ST6GALNAC3: variants seen among roughly 807,000 people sequenced by gnomAD.
ST6GALNAC3 encodes the protein ST6 N-acetylgalactosaminide alpha-2,6-sialyltransferase 3.
In ST6GALNAC3, 25 loss-of-function variants were observed where a neutral mutation model predicts 32.7. The observed-to-expected ratio is 0.76, with a 90% CI of 0.56 to 1.07. The LOEUF (loss-of-function observed/expected upper bound fraction) is 1.07. Among genes scored for constraint, ST6GALNAC3 ranks in the 50% least tolerant of loss-of-function variants. ST6GALNAC3 has a pLI of 0.00. For synonymous variants in ST6GALNAC3, 129 were observed against 133.1 expected (o/e 0.97, Z 0.21); for missense variants, 355 against 382.4 (o/e 0.93, Z 0.60).
intron 3 of ST6GALNAC3, among the ~76,000 whole-genome samples, chr1:76,478,362 C>T (rs1019724325): frequency 6.6e-6 from 1 of 152,158 alleles, no homozygotes; most frequent in African/African-American, 2.4e-5. Context: ...GACTACCTGT[C>T]CTGAACGTTC....
chr1:76,128,115 C>G (rs982680311), intron 1 of ST6GALNAC3, among the ~76,000 whole-genome samples: 3 of 152,086 alleles, frequency 2.0e-5, no homozygotes, highest in Admixed American at 1.3e-4. Context: ...AAGTCGGAGC[C>G]CATTGACCTT....
chr1:76,456,889 A>C (rs191222777), intron 3 of ST6GALNAC3, among the ~76,000 whole-genome samples: 4 of 152,186 alleles, frequency 2.6e-5, no homozygotes, highest in Admixed American at 1.3e-4. Flanking sequence ...AGAGTATTCA[A>C]TTAGGAAAAG....
intron 3 of ST6GALNAC3, among the ~76,000 whole-genome samples, chr1:76,451,475 A>C (rs1337702036): frequency 1.3e-5 from 2 of 152,124 alleles, no homozygotes; most frequent in African/African-American, 4.8e-5. Context: ...CCCAGGACAC[A>C]TGGGGATTAT....
intron 3 of ST6GALNAC3, among the ~76,000 whole-genome samples, chr1:76,422,856 CGAG>C (rs1655119992): frequency 6.6e-6 from 1 of 151,948 alleles, no homozygotes; most frequent in Non-Finnish European, 1.5e-5. Context: ...TTTTTCACGG[CGAG>C]GAGTTTTTTA....
chr1:76,412,444 T>A (rs1654323835), intron 3 of ST6GALNAC3, 27 bp downstream of exon 3: 1 of 1,553,286 alleles, frequency 6.4e-7, no homozygotes, highest in African/African-American at 1.4e-5. Context: ...GCAGCTTTAT[T>A]GTCTTTTATT....
intron 1 of ST6GALNAC3, among the ~76,000 whole-genome samples, chr1:76,252,378 G>A (rs375396777): frequency 6.6e-6 from 1 of 152,164 alleles, no homozygotes; most frequent in East Asian, 1.9e-4. Flanking sequence ...GGAATAAATA[G>A]GATAATGCTT....
intron 3 of ST6GALNAC3, among the ~76,000 whole-genome samples, chr1:76,473,837 T>C (rs1230566217): frequency 1.3e-5 from 2 of 152,162 alleles, no homozygotes; most frequent in Non-Finnish European, 2.9e-5. Context: ...GGCTTGGAAT[T>C]AGTTTAACCA....
At chr1:76,532,508 G>A (rs938389758) in intron 3 of ST6GALNAC3, among the ~76,000 whole-genome samples, 6 of 152,036 alleles carry the variant, frequency 3.9e-5, no homozygotes, top group African/African-American at 1.2e-4. Flanking sequence ...TATCCCCTAC[G>A]AACGACAACA....
intron 3 of ST6GALNAC3, among the ~76,000 whole-genome samples, chr1:76,512,217 T>C (rs1661906727): frequency 6.6e-6 from 1 of 152,138 alleles, no homozygotes; most frequent in South Asian, 2.1e-4. Flanking sequence ...ATGAAAAAAA[T>C]AGAATAAAAC....
chr1:76,319,634 G>A (rs11162121), intron 2 of ST6GALNAC3, among the ~76,000 whole-genome samples: 81,485 of 151,964 alleles, frequency 0.54, 22,924 homozygotes, highest in African/African-American at 0.69. Flanking sequence ...TATATTGAGA[G>A]CAATTATGTG....
At position 76,633,125 on chromosome 1, in the gene ST6GALNAC3, G is replaced by C. The variant is rs995609480; in HGVS notation, c.*4319G>C. ...CTTGGAGCTGAGGAAACAGACAGAG[G>C]TGAAGTGACTTGCCTGTAGTTATAA... On this transcript the variant is annotated 3_prime_UTR_variant, in exon 5 of 5. Coordinates refer to ENST00000328299, the MANE Select transcript of ST6GALNAC3 (RefSeq NM_152996.4). 1 of 152,152 alleles carries C rather than the reference G, an allele frequency of 6.6e-6. No homozygotes were observed. The highest frequency in any genetic ancestry group is 1.5e-5 in the Non-Finnish European group (1 of 68,022). The allele number at this position is 152,152 out of a possible 1,614,324, so 9.4% of individuals were successfully genotyped here.
intron 2 of ST6GALNAC3, among the ~76,000 whole-genome samples, chr1:76,321,471 A>G (rs373796141): frequency 6.6e-6 from 1 of 152,122 alleles, no homozygotes; most frequent in Non-Finnish European, 1.5e-5. Flanking sequence ...TGCTGGTTTG[A>G]ACTGTTTTTG....
chr1:76,146,313 T>C (rs763620854), intron 1 of ST6GALNAC3, among the ~76,000 whole-genome samples: 1 of 152,192 alleles, frequency 6.6e-6, no homozygotes, highest in Non-Finnish European at 1.5e-5. Flanking sequence ...TCTCCCTTCA[T>C]AAAAGGAAGA....
intron 2 of ST6GALNAC3, among the ~76,000 whole-genome samples, chr1:76,384,038 T>G (rs1251469209): frequency 1.3e-5 from 2 of 152,178 alleles, no homozygotes; most frequent in Non-Finnish European, 2.9e-5. Context: ...GTGTTAGATT[T>G]AAATTCAAAT....
In ST6GALNAC3 at chr1:76,633,044, G is replaced by T. The variant is rs484299; in HGVS notation, c.*4238G>T. ...AGCCAGTGCTAGCCTTTTTAAGTAG[G>T]TCAGGCTTTTAGAGCTGAAAGAGAT... On this transcript the variant is annotated 3_prime_UTR_variant, in exon 5 of 5. Transcript: ENST00000328299. 71,961 of 151,874 alleles carry T rather than the reference G, an allele frequency of 0.47. 17,707 individuals carry two copies. Among genetic ancestry groups the T allele is most frequent in the African/African-American group, 0.61 (25,193 of 41,424 alleles). 9.4% of individuals were successfully genotyped at this position (151,874 alleles called of 1,614,324 possible).
chr1:76,320,137 G>A (rs1295684143), intron 2 of ST6GALNAC3, among the ~76,000 whole-genome samples: 1 of 152,182 alleles, frequency 6.6e-6, no homozygotes, highest in African/African-American at 2.4e-5. Context: ...TGAGACATGT[G>A]CTTTGGAGAA....
At chr1:76,453,552 G>A (rs1479525310) in intron 3 of ST6GALNAC3, among the ~76,000 whole-genome samples, 3 of 152,084 alleles carry the variant, frequency 2.0e-5, no homozygotes, top group Non-Finnish European at 4.4e-5. Context: ...TCATTTGGGA[G>A]CAGGTTATTT....
chr1:76,331,095 A>T (rs543971366), intron 2 of ST6GALNAC3, among the ~76,000 whole-genome samples: 1 of 152,274 alleles, frequency 6.6e-6, no homozygotes, highest in Admixed American at 6.5e-5. Context: ...CGTGATAATG[A>T]TGTAAGACTA....
intron 1 of ST6GALNAC3, among the ~76,000 whole-genome samples, chr1:76,187,932 A>G (rs1194180357): frequency 6.6e-6 from 1 of 151,900 alleles, no homozygotes; most frequent in East Asian, 1.9e-4. Flanking sequence ...AGACATTTGG[A>G]TTTTGTTTTT....
Sources: allele counts gnomAD v4.1 joint callset (sites outside exome capture counted in the v4.1 genomes callset), GRCh38; gene constraint gnomAD v4.1.1; transcripts MANE v1.5; gene names NCBI Gene and HGNC (gene_info 2026-07-23, HGNC 2026-07-21).